Variants in FGF5 observed in about 807,000 individuals in gnomAD.
FGF5 encodes the protein heparin-binding growth factor 5.
FGF5 carries 23 observed loss-of-function variants against 21.8 expected under a neutral mutation model. The observed-to-expected ratio is 1.05, with a 90% CI of 0.76 to 1.49. The LOEUF is 1.49. Among genes scored for constraint, FGF5 ranks in the 40% most tolerant of loss-of-function variants. The pLI is 0.00. For synonymous variants in FGF5, 158 were observed against 124.0 expected (o/e 1.27, Z -1.82); for missense variants, 352 against 332.9 (o/e 1.06, Z -0.45).
intron 2 of FGF5, among the ~76,000 whole-genome samples, chr4:80,277,942 A>G (rs1179195720): frequency 6.6e-6 from 1 of 152,084 alleles, no homozygotes; most frequent in Non-Finnish European, 1.5e-5. Flanking sequence ...AGTTCTTTAA[A>G]AGCCCTTTTG....
In FGF5 at chr4:80,266,933, A is replaced by G. The variant is rs1720105689; in HGVS notation, c.109A>G (p.Thr37Ala). Residue 37 changes from threonine to alanine, a missense_variant, in exon 1 of 3, where the codon ACT (threonine) becomes GCT (alanine). Transcript: ENST00000312465. Reference protein sequence around the residue: ...APKGQPGPAATDRNPRGSSSR... With the variant: ...APKGQPGPAAADRNPRGSSSR... ...CAAAGGGCAACCCGGACCCGCTGCC[A>G]CTGATAGGAACCCTAGAGGCTCCAG... The G allele has an allele frequency of 6.2e-7, 1 of 1,614,064 alleles. No individual in the cohort carries two copies. Among genetic ancestry groups the G allele is most frequent in the South Asian group, 1.1e-5 (1 of 91,090 alleles).
intron 1 of FGF5, among the ~76,000 whole-genome samples, chr4:80,273,976 T>C (rs541782353): frequency 6.6e-6 from 1 of 152,250 alleles, no homozygotes; most frequent in African/African-American, 2.4e-5. Flanking sequence ...TTTTTAAAAA[T>C]TTTGAAATAG....
chr4:80,286,723 T>C lies in FGF5; in HGVS notation c.*51T>C. ...CATTCTTTCCCCTCAGGAGTTTCTA[T>C]AGGTGTCTTCAGAGTTCTGAAGAAA... On this transcript the variant is annotated 3_prime_UTR_variant, in exon 3 of 3. Transcript: ENST00000312465. 2 of 1,454,120 alleles carry C rather than the reference T, an allele frequency of 1.4e-6. No individual in the cohort carries two copies. The highest frequency in any genetic ancestry group is 1.9e-6 in the Non-Finnish European group (2 of 1,051,226). 90.1% of individuals were successfully genotyped at this position (1,454,120 alleles called of 1,614,324 possible). A position where few individuals can be genotyped will look rare whatever the true frequency, so the allele number is the denominator to read the frequency against.
chr4:80,272,360 A>G (rs140540591), intron 1 of FGF5, among the ~76,000 whole-genome samples: 2 of 152,236 alleles, frequency 1.3e-5, no homozygotes, highest in East Asian at 3.9e-4. Context: ...CACATATATT[A>G]TTTCATCTTC....
In FGF5 at chr4:80,280,767, T is replaced by C. The variant is rs550089971; in HGVS notation, c.460-5558T>C. Among the ~76,000 whole-genome samples, 181 of 152,210 alleles carry C rather than the reference T, an allele frequency of 1.2e-3. 2 individuals carry two copies. Among genetic ancestry groups the C allele is most frequent in the Non-Finnish European group, 1.8e-3 (120 of 68,020 alleles). Reference sequence around the variant, plus strand: ...GTTATTAAGGGCCTCAGAAAGAAAGTCATGCTATACCATGTTTTGCCTGGT... The same window carrying C: ...GTTATTAAGGGCCTCAGAAAGAAAGCCATGCTATACCATGTTTTGCCTGGT... On this transcript the variant is annotated intron_variant, in intron 2 of 2. Coordinates refer to ENST00000312465, the MANE Select transcript of FGF5 (RefSeq NM_004464.4).
At chr4:80,278,285 C>A (rs1253545638) in intron 2 of FGF5, among the ~76,000 whole-genome samples, 1 of 152,034 alleles carries the variant, frequency 6.6e-6, no homozygotes, top group Non-Finnish European at 1.5e-5. Context: ...AATAAACAGG[C>A]AATTTAAGAC....
intron 2 of FGF5, among the ~76,000 whole-genome samples, chr4:80,284,895 C>T (rs552209543): frequency 6.6e-6 from 1 of 152,204 alleles, no homozygotes; most frequent in Non-Finnish European, 1.5e-5. Flanking sequence ...AAGTATGTAG[C>T]TTTTAGTGTT....
Position 80,266,773 on chromosome 4 carries a change from G to A in FGF5, c.-52G>A, listed in dbSNP as rs1720099435. On this transcript the variant is annotated 5_prime_UTR_variant, in exon 1 of 3. Coordinates refer to ENST00000312465, the MANE Select transcript of FGF5 (RefSeq NM_004464.4). ...GGCACGCAGCCGCACAGGGGCTACA[G>A]AGCCCAGAATCAGCCCTACAAGATG... 5.6e-6 allele frequency: 8 copies of A among 1,432,764 alleles called. No individual in the cohort carries two copies. Among genetic ancestry groups the A allele is most frequent in the Non-Finnish European group, 7.5e-6 (8 of 1,062,540 alleles). 88.8% of individuals were successfully genotyped at this position (1,432,764 alleles called of 1,614,324 possible).
At position 80,286,971 on chromosome 4, in the gene FGF5, A is replaced by G. The variant is rs1720752756; in HGVS notation, c.*299A>G. On this transcript the variant is annotated 3_prime_UTR_variant, in exon 3 of 3. Coordinates refer to ENST00000312465, the MANE Select transcript of FGF5 (RefSeq NM_004464.4). ...TTCGGAAAGTTAAATAACAGGGACT[A>G]CGTATTTTTCTGACTTTTACAGATT... 1 of 248,856 alleles carries G rather than the reference A, an allele frequency of 4.0e-6. No homozygotes were observed. Among genetic ancestry groups the G allele is most frequent in the African/African-American group, 2.2e-5 (1 of 45,332 alleles). The allele number at this position is 248,856 out of a possible 1,614,324, so 15.4% of individuals were successfully genotyped here.
In FGF5 at chr4:80,286,994, A is replaced by G. The variant is rs893899582; in HGVS notation, c.*322A>G. 3 of 213,520 alleles carry G rather than the reference A, an allele frequency of 1.4e-5. No individual in the cohort carries two copies. Among genetic ancestry groups the G allele is most frequent in the East Asian group, 1.9e-4 (2 of 10,388 alleles). The allele number at this position is 213,520 out of a possible 1,614,324, so 13.2% of individuals were successfully genotyped here. On this transcript the variant is annotated 3_prime_UTR_variant, in exon 3 of 3. Coordinates refer to ENST00000312465, the MANE Select transcript of FGF5 (RefSeq NM_004464.4). ...CTACGTATTTTTCTGACTTTTACAG[A>G]TTAACCTGAAAGAACATACATGATA...
chr4:80,281,138 C>T (rs941635160), intron 2 of FGF5, among the ~76,000 whole-genome samples: 1 of 152,052 alleles, frequency 6.6e-6, no homozygotes, highest in Non-Finnish European at 1.5e-5. Context: ...GGCAAGGCTA[C>T]AACTGACCCA....
chr4:80,277,299 GATATAAA>G lies in FGF5; in HGVS notation c.459+2289_459+2295del, dbSNP rs1307412003. On this transcript the variant is annotated intron_variant, in intron 2 of 2. Transcript: ENST00000312465. ...CTCTTGTCACTCACTGAAGCTCTTT[GATATAAA>G]AGTCATTCTGATGACTTTGAGCTAA... 2.0e-5 allele frequency among the ~76,000 whole-genome samples: 3 copies of G among 152,188 alleles called. No individual in the cohort carries two copies. In the South Asian group the frequency reaches 6.2e-4, roughly 32 times the overall value.
intron 2 of FGF5, among the ~76,000 whole-genome samples, chr4:80,276,227 T>C (rs1228601035): frequency 6.6e-6 from 1 of 151,918 alleles, no homozygotes; most frequent in Non-Finnish European, 1.5e-5. Flanking sequence ...TGCCTATTAT[T>C]ATAGGGTTAA....
chr4:80,276,789 C>T (rs1014245875), intron 2 of FGF5, among the ~76,000 whole-genome samples: 20 of 149,652 alleles, frequency 1.3e-4, no homozygotes, highest in African/African-American at 4.9e-4. Context: ...AATCCACATA[C>T]AGAATTGAAA....
Position 80,290,245 on chromosome 4 carries a change from A to G in FGF5, c.*3573A>G, listed in dbSNP as rs907192100. ...CTCCTTTAAGATTTACTTAATTGCTACATCTAAATTCTGATAATTTAAAAT... is the reference window on the plus strand; with the variant it reads ...CTCCTTTAAGATTTACTTAATTGCTGCATCTAAATTCTGATAATTTAAAAT... On this transcript the variant is annotated 3_prime_UTR_variant, in exon 3 of 3. Transcript: ENST00000312465. 6.6e-6 allele frequency: 1 copy of G among 152,220 alleles called. No homozygotes were observed. Among genetic ancestry groups the G allele is most frequent in the African/African-American group, 2.4e-5 (1 of 41,468 alleles). 9.4% of individuals were successfully genotyped at this position (152,220 alleles called of 1,614,324 possible). A position where few individuals can be genotyped will look rare whatever the true frequency, so the allele number is the denominator to read the frequency against.
At position 80,289,167 on chromosome 4, in the gene FGF5, A is replaced by G. The variant is rs918123673; in HGVS notation, c.*2495A>G. 1 of 151,906 alleles carries G rather than the reference A, an allele frequency of 6.6e-6. No individual in the cohort carries two copies. The highest frequency in any genetic ancestry group is 1.5e-5 in the Non-Finnish European group (1 of 68,062). 9.4% of individuals were successfully genotyped at this position (151,906 alleles called of 1,614,324 possible). A position where few individuals can be genotyped will look rare whatever the true frequency, so the allele number is the denominator to read the frequency against. ...TGCCACCACGCCAGCTAATTTTTGT[A>G]TTTTTAGTAGAGACGGGGTTTCACC... is the stretch of plus-strand genomic sequence containing the variant. On this transcript the variant is annotated 3_prime_UTR_variant, in exon 3 of 3. Coordinates refer to ENST00000312465, the MANE Select transcript of FGF5 (RefSeq NM_004464.4).
In FGF5 at chr4:80,286,610, C is replaced by CT; in HGVS notation, c.748dup (p.Ser250PhefsTer27). 6.2e-7 allele frequency: 1 copy of CT among 1,614,068 alleles called. No individual in the cohort carries two copies. Among genetic ancestry groups the CT allele is most frequent in the Non-Finnish European group, 8.5e-7 (1 of 1,179,974 alleles). ...TAGCCCTATCAAGCCAAAGATTCCC[C>CT]TTTCTGCACCTCGGAAAAATACCAA... On this transcript the variant is annotated frameshift_variant, in exon 3 of 3. Transcript: ENST00000312465. LOFTEE classifies it high-confidence loss of function.
intron 1 of FGF5, among the ~76,000 whole-genome samples, chr4:80,272,060 G>T (rs994288338): frequency 2.6e-5 from 4 of 152,160 alleles, no homozygotes; most frequent in South Asian, 2.1e-4. Context: ...TGGAAATTAT[G>T]ATCATAACAG....
intron 1 of FGF5, among the ~76,000 whole-genome samples, chr4:80,271,389 T>C (rs1720268323): frequency 1.0e-5 from 1 of 96,570 alleles, no homozygotes; most frequent in African/African-American, 9.3e-5. Flanking sequence ...ATGCTGAAAT[T>C]CCACAAAGAG....
Sources: gnomAD v4.1 joint callset for allele counts (sites outside exome capture counted in the v4.1 genomes callset) on GRCh38, gnomAD v4.1.1 for gene constraint, MANE v1.5 for transcripts, NCBI Gene and HGNC (gene_info 2026-07-23, HGNC 2026-07-21) for gene names.